ATP10A: variants seen among roughly 807,000 people sequenced by gnomAD.
ATP10A encodes ATPase phospholipid transporting 10A (putative), also known as phospholipid-transporting ATPase VA.
ATP10A carries 111 observed loss-of-function variants against 147.8 expected under a neutral mutation model. The observed-to-expected ratio is 0.75, with a 90% CI of 0.64 to 0.88. The LOEUF (loss-of-function observed/expected upper bound fraction) is 0.88, where lower values mean the gene tolerates loss of function less well. Ranked by LOEUF, ATP10A falls within the 40% of genes least tolerant of loss-of-function variation. ATP10A has a pLI of 0.00. For synonymous variants in ATP10A, 875 were observed against 841.6 expected (o/e 1.04, Z -0.69); for missense variants, 1,927 against 1,959.0 (o/e 0.98, Z 0.31).
intron 8 of ATP10A, 148 bp from the exon 9 acceptor site, chr15:25,717,072 A>G (rs1055352651): frequency 3.8e-6 from 2 of 530,638 alleles, no homozygotes; most frequent in Non-Finnish European, 2.9e-6. Flanking sequence ...ATAATTGTAA[A>G]TTACTTACAA....
At chr15:25,850,459 C>T (rs1461662904) in intron 1 of ATP10A, among the ~76,000 whole-genome samples, 1 of 152,200 alleles carries the variant, frequency 6.6e-6, no homozygotes, top group Non-Finnish European at 1.5e-5. Flanking sequence ...GTGTCTGGTA[C>T]CGCCTCAGCC....
rs139620501 is a variant in ATP10A, at chr15:25,752,089, T to C, written c.655-15948A>G. 3.0e-3 allele frequency among the ~76,000 whole-genome samples: 463 copies of C among 152,308 alleles called. 1 individual carries two copies. The highest frequency in any genetic ancestry group is 5.2e-3 in the Non-Finnish European group (354 of 68,002). On this transcript the variant is annotated intron_variant, in intron 2 of 20. Coordinates refer to ENST00000555815, the MANE Select transcript of ATP10A (RefSeq NM_024490.4). ...GAAATATAAATTAGGGCAGCTGTTA[T>C]GGAAAACTGTATGGAGGTTCCCCCA...
chr15:25,840,140 C>T lies in ATP10A; in HGVS notation c.449+22508G>A, dbSNP rs141379834. ...CACAAATGTTCTATAAATGGGATCA[C>T]GCAGCATATATCCTTTTGAAATTAG... On this transcript the variant is annotated intron_variant, in intron 1 of 20. Coordinates refer to ENST00000555815, the MANE Select transcript of ATP10A (RefSeq NM_024490.4). Among the ~76,000 whole-genome samples the T allele has an allele frequency of 9.8e-3, 1,487 of 152,156 alleles. 20 individuals are homozygous for T. Among genetic ancestry groups the T allele is most frequent in the Middle Eastern group, 0.044 (13 of 294 alleles).
chr15:25,787,956 A>C (rs1890246121), intron 1 of ATP10A, among the ~76,000 whole-genome samples: 1 of 152,086 alleles, frequency 6.6e-6, no homozygotes, highest in African/African-American at 2.4e-5. Flanking sequence ...CACCTTGGGG[A>C]CTTCCCTCTG....
At chr15:25,760,575 C>CT (rs1448625953) in intron 2 of ATP10A, among the ~76,000 whole-genome samples, 4 of 152,190 alleles carry the variant, frequency 2.6e-5, no homozygotes, top group East Asian at 1.9e-4. Flanking sequence ...GAAAAAAACT[C>CT]TGACAAGTAT....
intron 9 of ATP10A, 117 bp from the exon 10 acceptor site, chr15:25,714,358 C>T (rs1901647616): frequency 1.1e-6 from 1 of 895,088 alleles, no homozygotes. Flanking sequence ...CGCTTCCCCA[C>T]TGGGGTCTCA....
intron 9 of ATP10A, among the ~76,000 whole-genome samples, chr15:25,714,599 C>A (rs1317551643): frequency 6.6e-6 from 1 of 152,040 alleles, no homozygotes; most frequent in Non-Finnish European, 1.5e-5. Flanking sequence ...AACGTGATTG[C>A]CGAGGGCCCA....
chr15:25,701,799 C>G (rs1028644847), intron 13 of ATP10A, 117 bp downstream of exon 13: 9 of 1,035,806 alleles, frequency 8.7e-6, no homozygotes, highest in Non-Finnish European at 1.3e-5. Flanking sequence ...AACCCGAATG[C>G]GGAGGGTGAG....
chr15:25,763,402 C>T (rs1033690566), intron 2 of ATP10A, among the ~76,000 whole-genome samples: 1 of 152,202 alleles, frequency 6.6e-6, no homozygotes, highest in Non-Finnish European at 1.5e-5. Flanking sequence ...GCTCCTCCCC[C>T]TGCATCCAGA....
In ATP10A at chr15:25,832,757, T is replaced by G. The variant is rs570339921; in HGVS notation, c.449+29891A>C. On this transcript the variant is annotated intron_variant, in intron 1 of 20. Coordinates refer to ENST00000555815, the MANE Select transcript of ATP10A (RefSeq NM_024490.4). ...GATAAGTTGTGGCATTCCGCAGCAC[T>G]GCAGGGGGACTATAGTTAACAGTAA... Among the ~76,000 whole-genome samples the G allele has an allele frequency of 4.6e-5, 7 of 152,258 alleles. No individual in the cohort carries two copies. The South Asian group carries it at 1.5e-3, about 32-fold the overall frequency.
chr15:25,836,827 C>T (rs752947449), intron 1 of ATP10A, among the ~76,000 whole-genome samples: 4 of 152,128 alleles, frequency 2.6e-5, no homozygotes, highest in Non-Finnish European at 4.4e-5. Context: ...CAAAAGTCTC[C>T]GATCCAGCAA....
intron 2 of ATP10A, among the ~76,000 whole-genome samples, chr15:25,752,514 T>C (rs1420211197): frequency 6.6e-6 from 1 of 152,210 alleles, no homozygotes; most frequent in Non-Finnish European, 1.5e-5. Context: ...GGGGAGATGA[T>C]GGTCAAAGGG....
At chr15:25,744,447 A>G (rs557674910) in intron 2 of ATP10A, among the ~76,000 whole-genome samples, 2 of 152,320 alleles carry the variant, frequency 1.3e-5, no homozygotes, top group South Asian at 4.1e-4. Flanking sequence ...GTACAATGTC[A>G]GACACAGACT....
In ATP10A at chr15:25,727,204, G is replaced by C. The variant is rs766099724; in HGVS notation, c.803C>G (p.Thr268Ser). ...YKENLLLRGCTLRNTDAVVGI... is the reference protein window; with the variant it reads ...YKENLLLRGCSLRNTDAVVGI... ...GACGACTGCGTCCGTGTTCCTAAGG[G>C]TGCAGCCCCTCAGCAGCAGGTTTTC... Residue 268 changes from threonine to serine, a missense_variant, in exon 4 of 21, where the codon ACC (threonine) becomes AGC (serine). Thr to Ser is a moderately conservative substitution (Grantham distance 58). Transcript: ENST00000555815. 5 of 1,614,188 alleles carry C rather than the reference G, an allele frequency of 3.1e-6. No individual in the cohort carries two copies. The highest frequency in any genetic ancestry group is 4.2e-6 in the Non-Finnish European group (5 of 1,180,044).
In ATP10A at chr15:25,680,796, C is replaced by T. The variant is rs767095666; in HGVS notation, c.3678+14G>A. ...AGTGCTCTTCTGAGACGTGGCCATG[C>T]AGGCGGCTCTTACCCAGGTTTTGGT... On this transcript the variant is annotated intron_variant, in intron 19 of 20. Coordinates refer to ENST00000555815, the MANE Select transcript of ATP10A (RefSeq NM_024490.4). 6.2e-7 allele frequency: 1 copy of T among 1,605,470 alleles called. No homozygotes were observed. The highest frequency in any genetic ancestry group is 8.5e-7 in the Non-Finnish European group (1 of 1,173,536).
At chr15:25,730,287 G>A (rs1278535821) in intron 3 of ATP10A, among the ~76,000 whole-genome samples, 1 of 147,860 alleles carries the variant, frequency 6.8e-6, no homozygotes, top group Non-Finnish European at 1.5e-5. Flanking sequence ...GGGCAACAGA[G>A]TGAGACTCTG....
At chr15:25,707,831 G>A (rs534607952) in intron 12 of ATP10A, 145 bp downstream of exon 12, 18 of 1,180,896 alleles carry the variant, frequency 1.5e-5, no homozygotes, top group African/African-American at 1.4e-4. Context: ...GCACCCTCCC[G>A]CCTCGGCTGT....
chr15:25,692,737 A>C (rs1416751614), intron 14 of ATP10A, among the ~76,000 whole-genome samples: 2 of 152,206 alleles, frequency 1.3e-5, no homozygotes, highest in Non-Finnish European at 2.9e-5. Flanking sequence ...GATGCTCTCT[A>C]CATTATAAAC....
chr15:25,820,611 G>A (rs17116221), intron 1 of ATP10A, among the ~76,000 whole-genome samples: 52,311 of 151,976 alleles, frequency 0.34, 10,214 homozygotes, highest in African/African-American at 0.53. Flanking sequence ...ATAAATGTTC[G>A]GCATAGTGTG....
Sources: gnomAD v4.1 joint callset for allele counts (sites outside exome capture counted in the v4.1 genomes callset) on GRCh38, gnomAD v4.1.1 for gene constraint, MANE v1.5 for transcripts, NCBI Gene and HGNC (gene_info 2026-07-23, HGNC 2026-07-21) for gene names.